The following WNK2 variants were observed in gnomAD, a reference collection of about 807,000 sequenced individuals.
WNK2 encodes the protein WNK lysine deficient protein kinase 2, also known as serine/threonine-protein kinase WNK2.
In WNK2, 67 loss-of-function variants were observed where a neutral mutation model predicts 192.1. The ratio of observed to expected loss-of-function variants is 0.35; its 90% CI spans 0.29 to 0.43. WNK2 has a LOEUF of 0.43. Among genes scored for constraint, WNK2 ranks in the 20% least tolerant of loss-of-function variants. WNK2 has a pLI of 1.00. For synonymous variants in WNK2, 1,439 were observed against 1,393.9 expected (o/e 1.03, Z -0.72); for missense variants, 2,698 against 3,089.7 (o/e 0.87, Z 3.01).
intron 4 of WNK2, among the ~76,000 whole-genome samples, chr9:93,232,277 G>A (rs1838944747): frequency 6.6e-6 from 1 of 152,208 alleles, no homozygotes; most frequent in Non-Finnish European, 1.5e-5. Context: ...CTGCCCGGGG[G>A]TGGCCCTGTG....
At chr9:93,235,368 C>G (rs1462206134) in intron 5 of WNK2, among the ~76,000 whole-genome samples, 1 of 152,244 alleles carries the variant, frequency 6.6e-6, no homozygotes, top group Non-Finnish European at 1.5e-5. Flanking sequence ...TGCCTGCTTT[C>G]CTATCTTCTT....
chr9:93,237,867 T>C (rs1472931889), intron 5 of WNK2, among the ~76,000 whole-genome samples: 1 of 152,088 alleles, frequency 6.6e-6, no homozygotes, highest in Non-Finnish European at 1.5e-5. Context: ...CTTTTTTTTT[T>C]TTTTGCTGTA....
intron 26 of WNK2, 84 bp from the exon 27 acceptor site, chr9:93,306,693 C>G: frequency 2.6e-6 from 4 of 1,565,148 alleles, no homozygotes; most frequent in Non-Finnish European, 3.5e-6. Context: ...ACACTGACGA[C>G]TTTTGCTTAG....
intron 26 of WNK2, among the ~76,000 whole-genome samples, chr9:93,306,473 TTCTTTTC>T (rs1246815354): frequency 6.6e-6 from 1 of 152,034 alleles, no homozygotes. Context: ...TTTTTCTTTT[TTCTTTTC>T]TTTTTTCTTT....
intron 21 of WNK2, among the ~76,000 whole-genome samples, chr9:93,291,432 A>G (rs529698794): frequency 1.3e-5 from 2 of 152,266 alleles, no homozygotes; most frequent in African/African-American, 4.8e-5. Context: ...TGGAGGTTGG[A>G]GCCATTTAGA....
chr9:93,265,469 T>C (rs180793705), intron 16 of WNK2, among the ~76,000 whole-genome samples: 2 of 152,320 alleles, frequency 1.3e-5, no homozygotes, highest in East Asian at 1.9e-4. Context: ...CAAGCCTAGT[T>C]GGAGGGTCAG....
At position 93,271,496 on chromosome 9, in the gene WNK2, A is replaced by G. The variant is rs192977062; in HGVS notation, c.4033+2750A>G. Among the ~76,000 whole-genome samples the G allele has an allele frequency of 8.3e-4, 126 of 152,396 alleles. 1 individual carries two copies. The highest frequency in any genetic ancestry group is 3.4e-3 in the Middle Eastern group (1 of 294). On this transcript the variant is annotated intron_variant, in intron 19 of 29. Transcript: ENST00000427277. ...AGCAACTGTTATAAATATAACTGAA[A>G]AAGCAATGACAAACATTCTTGAAAC...
intron 2 of WNK2, among the ~76,000 whole-genome samples, chr9:93,220,898 C>A (rs1836750965): frequency 1.3e-5 from 2 of 152,312 alleles, no homozygotes; most frequent in South Asian, 4.1e-4. Context: ...CCTGGGTCCC[C>A]CTTTGGTCCT....
Position 93,247,687 on chromosome 9 carries a change from A to G in WNK2, c.1687A>G (p.Lys563Glu). The change falls in exon 8 of 30, where the codon AAG (lysine) becomes GAG (glutamate). Residue 563 changes from lysine to glutamate, a missense_variant. Coordinates refer to ENST00000427277, the MANE Select transcript of WNK2 (RefSeq NM_006648.4). The surrounding 1 kb of genome is among the most constrained non-coding windows in gnomAD (Gnocchi z 5.2). ...KEQQDVGSPD[K>E]ARGPPVPLQV... ...GCAGCAGGATGTGGGCAGCCCGGAC[A>G]AGGCCAGGGGTCCGCCGGTGCCCCT... 3 of 1,572,178 alleles carry G rather than the reference A, an allele frequency of 1.9e-6. No homozygotes were observed. Among genetic ancestry groups the G allele is most frequent in the Non-Finnish European group, 1.7e-6 (2 of 1,159,024 alleles).
chr9:93,214,173 T>C (rs926651250), intron 2 of WNK2, among the ~76,000 whole-genome samples: 10 of 152,198 alleles, frequency 6.6e-5, no homozygotes, highest in Non-Finnish European at 1.3e-4. Context: ...TTAGTACCCA[T>C]TTGCTGCCAC....
intron 8 of WNK2, among the ~76,000 whole-genome samples, chr9:93,251,793 C>T (rs1842642791): frequency 6.6e-6 from 1 of 152,140 alleles, no homozygotes; most frequent in Non-Finnish European, 1.5e-5. Context: ...TCTCCCCTTC[C>T]TCCCCATCCT....
chr9:93,263,890 G>C (rs995234406), intron 15 of WNK2, 27 bp from the exon 16 acceptor site: 7 of 1,587,064 alleles, frequency 4.4e-6, no homozygotes, highest in African/African-American at 2.7e-5. Context: ...GTACGCCCGT[G>C]GTGGGTGCTG....
intron 2 of WNK2, among the ~76,000 whole-genome samples, chr9:93,208,703 C>T (rs57304062): frequency 0.19 from 746 of 3,928 alleles, 3 homozygotes; most frequent in African/African-American, 0.32. Flanking sequence ...TGTGTGTCTG[C>T]GTGTTCTGTG....
intron 28 of WNK2, among the ~76,000 whole-genome samples, chr9:93,315,329 C>T (rs924011546): frequency 2.0e-5 from 3 of 152,168 alleles, no homozygotes; most frequent in African/African-American, 7.2e-5. Flanking sequence ...TGGTGTTGGC[C>T]ACTATTTCTG....
intron 2 of WNK2, among the ~76,000 whole-genome samples, chr9:93,226,546 A>G (rs180994694): frequency 6.6e-6 from 1 of 152,334 alleles, no homozygotes; most frequent in Admixed American, 6.5e-5. Flanking sequence ...TGACAAATGC[A>G]CATAGAGGTG....
In WNK2 at chr9:93,259,530, G is replaced by A. The variant is rs755374370; in HGVS notation, c.2982G>A (p.Pro994=). Residue 994 remains proline (P), a synonymous_variant, in exon 12 of 30, where the codon CCG becomes CCA. Transcript: ENST00000427277. The surrounding 1 kb of genome is among the most constrained non-coding windows in gnomAD (Gnocchi z 4.8). ...TGCCCCCACAACCTGTGCTGCCCCCGCAGCCGGCACTGCCTGTGCGCCCTG... is the reference window on the plus strand; with the variant it reads ...TGCCCCCACAACCTGTGCTGCCCCCACAGCCGGCACTGCCTGTGCGCCCTG... The part of the protein sequence containing the change: ...PMLPPQPVLP[P]QPALPVRPEP... The A allele has an allele frequency of 2.6e-5, 41 of 1,566,212 alleles. No homozygotes were observed. In the Admixed American group the frequency reaches 4.6e-4, roughly 18 times the overall value.
intron 2 of WNK2, among the ~76,000 whole-genome samples, chr9:93,209,087 C>T (rs925032243): frequency 6.6e-6 from 1 of 152,086 alleles, no homozygotes; most frequent in Non-Finnish European, 1.5e-5. Flanking sequence ...TTGGGAATAG[C>T]TTTTTTTCTT....
chr9:93,292,842 A>T lies in WNK2; in HGVS notation c.5377A>T (p.Thr1793Ser). 1 of 1,498,834 alleles carries T rather than the reference A, an allele frequency of 6.7e-7. No homozygotes were observed. The highest frequency in any genetic ancestry group is 8.9e-7 in the Non-Finnish European group (1 of 1,122,634). The allele number at this position is 1,498,834 out of a possible 1,614,324, so 92.8% of individuals were successfully genotyped here. The change falls in exon 23 of 30, where the codon ACG becomes TCG. Residue 1793 changes from threonine to serine, a missense_variant. By Grantham distance (58) the Thr-to-Ser change is moderately conservative. Transcript: ENST00000427277. ...GAAGCTGGCAGTGCGGCGGGCGCAG[A>T]CGGCCTCCTCCATCGAGGTCGGCGT... ...DVKLAVRRAQ[T>S]ASSIEVGVGE...
chr9:93,185,746 T>C, intron 2 of WNK2, 136 bp downstream of exon 2: 1 of 1,047,400 alleles, frequency 9.5e-7, no homozygotes, highest in Non-Finnish European at 1.4e-6. Flanking sequence ...ACCCTCTGTG[T>C]GGATGGCTGG....
Sources: gnomAD v4.1 joint callset for allele counts (sites outside exome capture counted in the v4.1 genomes callset) on GRCh38, gnomAD v4.1.1 for gene constraint, Gnocchi (gnomAD v3.1) non-coding constraint, MANE v1.5 for transcripts, NCBI Gene and HGNC (gene_info 2026-07-23, HGNC 2026-07-21) for gene names.